Variants in MRPS27 observed in about 807,000 individuals in gnomAD.
The protein encoded by MRPS27 is small ribosomal subunit protein mS27.
Under a neutral mutation model 48.9 loss-of-function variants are expected in MRPS27, and 43 were observed. The observed-to-expected ratio is 0.88, with a 90% CI of 0.69 to 1.13. The LOEUF (loss-of-function observed/expected upper bound fraction) is 1.13. Ranked by LOEUF, MRPS27 falls within the 50% of genes most tolerant of loss-of-function variation. The pLI is 0.00. For missense variants in MRPS27, 467 were observed against 476.3 expected, an observed-to-expected ratio of 0.98 and a Z score of 0.18; for synonymous variants, 188 against 171.9, an observed-to-expected ratio of 1.09 and a Z score of -0.73.
intron 4 of MRPS27, among the ~76,000 whole-genome samples, chr5:72,263,537 A>G (rs977479650): frequency 2.0e-5 from 3 of 150,234 alleles, no homozygotes; most frequent in Non-Finnish European, 4.4e-5. Context: ...TAGTATGCAG[A>G]ATATATAAGG....
At chr5:72,230,015 A>C (rs918344844) in intron 7 of MRPS27, among the ~76,000 whole-genome samples, 4 of 152,176 alleles carry the variant, frequency 2.6e-5, no homozygotes, top group Non-Finnish European at 5.9e-5. Context: ...CCTCCTGAGT[A>C]GCTAGGACTA....
At chr5:72,222,293 C>T (rs1423115064) in intron 10 of MRPS27, among the ~76,000 whole-genome samples, 1 of 152,214 alleles carries the variant, frequency 6.6e-6, no homozygotes, top group East Asian at 1.9e-4. Context: ...TACGAGTTGG[C>T]AAACTTTTGT....
At chr5:72,238,457 A>G (rs1748263212) in intron 4 of MRPS27, among the ~76,000 whole-genome samples, 1 of 152,216 alleles carries the variant, frequency 6.6e-6, no homozygotes, top group Non-Finnish European at 1.5e-5. Context: ...CAGATATTTC[A>G]TTAGAAGAGA....
At chr5:72,306,328 G>A (rs1199669179) in intron 2 of MRPS27, among the ~76,000 whole-genome samples, 1 of 152,112 alleles carries the variant, frequency 6.6e-6, no homozygotes, top group Admixed American at 6.5e-5. Context: ...CTTCGCAGAG[G>A]GGCAATCAAA....
chr5:72,246,151 G>A lies in MRPS27; in HGVS notation c.282-8023C>T, dbSNP rs6884125. 3.7e-3 allele frequency among the ~76,000 whole-genome samples: 569 copies of A among 152,212 alleles called. 1 individual carries two copies. Among genetic ancestry groups the A allele is most frequent in the African/African-American group, 0.013 (553 of 41,518 alleles). On this transcript the variant is annotated intron_variant, in intron 4 of 10. Transcript: ENST00000261413. Reference sequence around the variant, plus strand: ...CCTGATAATTTGGCAACAGTGACTCGGCCTGCTAAGACTGCATAAATACCC... The same window carrying A: ...CCTGATAATTTGGCAACAGTGACTCAGCCTGCTAAGACTGCATAAATACCC...
At chr5:72,301,874 G>A (rs985955341) in intron 2 of MRPS27, among the ~76,000 whole-genome samples, 3 of 152,234 alleles carry the variant, frequency 2.0e-5, no homozygotes, top group African/African-American at 4.8e-5. Flanking sequence ...CAGCTGCGGC[G>A]TGCAGAGGGC....
intron 4 of MRPS27, chr5:72,241,743 T>G: frequency 1.3e-6 from 2 of 1,509,720 alleles, no homozygotes; most frequent in Non-Finnish European, 1.8e-6. Context: ...GATTTTCCAA[T>G]TTGCCTGCAA....
intron 10 of MRPS27, among the ~76,000 whole-genome samples, chr5:72,221,840 C>T (rs1213978816): frequency 6.6e-6 from 1 of 152,052 alleles, no homozygotes; most frequent in Non-Finnish European, 1.5e-5. Flanking sequence ...TATGTATTGC[C>T]TGCTTACAGC....
chr5:72,238,860 T>G (rs978240874), intron 4 of MRPS27, among the ~76,000 whole-genome samples: 2 of 152,140 alleles, frequency 1.3e-5, no homozygotes, highest in African/African-American at 4.8e-5. Flanking sequence ...TGCTGCTTTT[T>G]CCTTAGTTCA....
intron 2 of MRPS27, among the ~76,000 whole-genome samples, chr5:72,298,566 C>T (rs1429244967): frequency 1.3e-5 from 2 of 151,708 alleles, no homozygotes; most frequent in Non-Finnish European, 2.9e-5. Flanking sequence ...ATTAGCCGGG[C>T]GCGGTGGCGG....
intron 7 of MRPS27, among the ~76,000 whole-genome samples, chr5:72,230,934 C>T (rs921217690): frequency 1.3e-5 from 2 of 152,024 alleles, no homozygotes; most frequent in African/African-American, 4.8e-5. Context: ...TGCATCATAT[C>T]CTGGTCTCTA....
At chr5:72,223,008 AT>A (rs756579887) in intron 10 of MRPS27, among the ~76,000 whole-genome samples, 2 of 152,228 alleles carry the variant, frequency 1.3e-5, no homozygotes, top group Admixed American at 6.5e-5. Context: ...TTCTGACAGC[AT>A]TTTTTCCCCC....
At chr5:72,234,646 T>C (rs1748154608) in intron 5 of MRPS27, among the ~76,000 whole-genome samples, 2 of 152,228 alleles carry the variant, frequency 1.3e-5, no homozygotes, top group Middle Eastern at 3.4e-3. Flanking sequence ...CCAAGAAATA[T>C]GCCAAGAAAT....
intron 4 of MRPS27, among the ~76,000 whole-genome samples, chr5:72,276,693 T>C (rs1021819421): frequency 5.9e-5 from 9 of 151,626 alleles, no homozygotes; most frequent in Non-Finnish European, 7.4e-5. Flanking sequence ...ATCCAGAGTC[T>C]GCAAGGAACT....
At chr5:72,262,852 C>G (rs1749019410) in intron 4 of MRPS27, among the ~76,000 whole-genome samples, 1 of 151,934 alleles carries the variant, frequency 6.6e-6, no homozygotes, top group Non-Finnish European at 1.5e-5. Flanking sequence ...CTCACTGCAC[C>G]CTTGAACTCC....
intron 7 of MRPS27, 33 bp from the exon 8 acceptor site, chr5:72,228,401 T>C: frequency 7.0e-7 from 1 of 1,438,020 alleles, no homozygotes; most frequent in Non-Finnish European, 9.7e-7. Flanking sequence ...ATGATCCATC[T>C]AAGCAATGAG....
intron 4 of MRPS27, chr5:72,241,757 G>T: frequency 6.8e-7 from 1 of 1,468,904 alleles, no homozygotes; most frequent in Non-Finnish European, 9.2e-7. Flanking sequence ...CCTGCAAACA[G>T]ACTGGCTTTT....
At chr5:72,230,683 C>T (rs1748036641) in intron 7 of MRPS27, among the ~76,000 whole-genome samples, 1 of 152,140 alleles carries the variant, frequency 6.6e-6, no homozygotes, top group African/African-American at 2.4e-5. Context: ...CATTAAGCCC[C>T]CAGTTCCTTG....
At chr5:72,305,352 A>G (rs1750232841) in intron 2 of MRPS27, among the ~76,000 whole-genome samples, 1 of 152,244 alleles carries the variant, frequency 6.6e-6, no homozygotes, top group South Asian at 2.1e-4. Flanking sequence ...TCAGGCCTCA[A>G]GAGCAGGATC....
Sources: gnomAD v4.1 joint callset for allele counts (sites outside exome capture counted in the v4.1 genomes callset) on GRCh38, gnomAD v4.1.1 for gene constraint, MANE v1.5 for transcripts, NCBI Gene and HGNC (gene_info 2026-07-23, HGNC 2026-07-21) for gene names.